Variants in PTPRD observed in about 807,000 individuals in gnomAD.
The protein encoded by PTPRD is protein tyrosine phosphatase receptor type D, also known as receptor-type tyrosine-protein phosphatase delta.
Under a neutral mutation model 214.5 loss-of-function variants are expected in PTPRD, and 34 were observed. The ratio of observed to expected loss-of-function variants is 0.16; its 90% CI spans 0.12 to 0.21. PTPRD has a LOEUF of 0.21. Ranked by LOEUF, PTPRD falls within the 10% of genes least tolerant of loss-of-function variation. The pLI is 1.00. For synonymous variants in PTPRD, 1,128 were observed against 845.7 expected (o/e 1.33, Z -5.79); for missense variants, 2,545 against 2,398.7 (o/e 1.06, Z -1.27).
intron 8 of PTPRD, among the ~76,000 whole-genome samples, chr9:9,451,452 A>G (rs1431053833): frequency 1.3e-5 from 2 of 151,778 alleles, no homozygotes; most frequent in African/African-American, 2.4e-5. Flanking sequence ...TTGAGCATAA[A>G]AGCACCATGA....
intron 2 of PTPRD, among the ~76,000 whole-genome samples, chr9:10,370,746 T>A (rs1306844130): frequency 6.6e-6 from 1 of 152,008 alleles, no homozygotes; most frequent in African/African-American, 2.4e-5. Context: ...CCTACATGCA[T>A]CCCTTTTTAA....
At position 8,331,580 on chromosome 9, in the gene PTPRD, A is replaced by ACCATT. The variant is rs1412474236; in HGVS notation, c.5534+1_5534+2insAATGG. 6.2e-7 allele frequency: 1 copy of ACCATT among 1,613,974 alleles called. No homozygotes were observed. Among genetic ancestry groups the ACCATT allele is most frequent in the Non-Finnish European group, 8.5e-7 (1 of 1,179,922 alleles). ...CTGCTTTATTCACAAATGGAAACTT[A>ACCATT]CCTGCAATGGACTGAAATGGGTCCA... On this transcript the variant is annotated splice_donor_variant, in intron 44 of 45. Coordinates refer to ENST00000381196, the MANE Select transcript of PTPRD (RefSeq NM_002839.4). LOFTEE classifies it high-confidence loss of function.
At chr9:9,462,807 G>T (rs2093780117) in intron 8 of PTPRD, among the ~76,000 whole-genome samples, 1 of 152,058 alleles carries the variant, frequency 6.6e-6, no homozygotes. Flanking sequence ...TGGAAATTTT[G>T]GTGGGATCTA....
chr9:9,386,019 G>T (rs2063761295), intron 9 of PTPRD, among the ~76,000 whole-genome samples: 1 of 151,990 alleles, frequency 6.6e-6, no homozygotes, highest in Non-Finnish European at 1.5e-5. Context: ...GCCCAGTATG[G>T]CCTGCATCTT....
intron 4 of PTPRD, among the ~76,000 whole-genome samples, chr9:9,967,636 T>C (rs1016505861): frequency 2.0e-5 from 3 of 152,176 alleles, no homozygotes; most frequent in Non-Finnish European, 2.9e-5. Flanking sequence ...CCTGAAGTCA[T>C]AGAGAATTAA....
intron 11 of PTPRD, among the ~76,000 whole-genome samples, chr9:8,814,695 T>C (rs1228033133): frequency 2.0e-5 from 3 of 152,182 alleles, no homozygotes; most frequent in Non-Finnish European, 2.9e-5. Flanking sequence ...ATGATCCAAG[T>C]ATAACCAAGG....
intron 8 of PTPRD, among the ~76,000 whole-genome samples, chr9:9,460,376 A>G (rs543381972): frequency 1.4e-4 from 22 of 152,236 alleles, no homozygotes; most frequent in East Asian, 9.7e-4. Context: ...AAGAGAAACA[A>G]TCAACAGAGT....
intron 5 of PTPRD, among the ~76,000 whole-genome samples, chr9:9,935,827 ATAC>A: frequency 6.7e-6 from 1 of 149,662 alleles, no homozygotes; most frequent in South Asian, 2.1e-4. Context: ...ACTTCAAACT[ATAC>A]TACAAGGCTA....
chr9:10,224,888 C>T (rs1334269305), intron 3 of PTPRD, among the ~76,000 whole-genome samples: 1 of 152,032 alleles, frequency 6.6e-6, no homozygotes. Context: ...ATTTTCTTTT[C>T]TCTGGTGTAA....
intron 7 of PTPRD, among the ~76,000 whole-genome samples, chr9:9,713,227 C>T (rs2097766689): frequency 6.6e-6 from 1 of 152,112 alleles, no homozygotes; most frequent in African/African-American, 2.4e-5. Flanking sequence ...TCTATGTCTG[C>T]CTAAGAATAA....
At chr9:10,168,882 A>C (rs1027503268) in intron 3 of PTPRD, among the ~76,000 whole-genome samples, 8 of 152,230 alleles carry the variant, frequency 5.3e-5, no homozygotes, top group African/African-American at 1.7e-4. Flanking sequence ...TGTTTACTTT[A>C]TCTAGAAGTA....
chr9:9,548,673 TA>T (rs150886333), intron 8 of PTPRD, among the ~76,000 whole-genome samples: 2,499 of 152,096 alleles, frequency 0.016, 39 homozygotes, highest in Admixed American at 0.026. Flanking sequence ...AAAAGTATGA[TA>T]AAAAACGATG....
At chr9:9,912,421 A>G (rs933562839) in intron 5 of PTPRD, among the ~76,000 whole-genome samples, 1 of 152,100 alleles carries the variant, frequency 6.6e-6, no homozygotes, top group South Asian at 2.1e-4. Context: ...AAATTCCACT[A>G]TTTCTCTGGG....
chr9:8,695,094 T>C (rs143077750), intron 12 of PTPRD, among the ~76,000 whole-genome samples: 23 of 152,288 alleles, frequency 1.5e-4, no homozygotes, highest in African/African-American at 5.5e-4. Flanking sequence ...GCCTTTCTCA[T>C]TGTGCTGGTT....
At chr9:8,892,373 C>G (rs1475511690) in intron 11 of PTPRD, among the ~76,000 whole-genome samples, 1 of 152,012 alleles carries the variant, frequency 6.6e-6, no homozygotes, top group African/African-American at 2.4e-5. Context: ...GGAAGGGACT[C>G]CACAGAAATC....
chr9:8,428,052 C>T (rs7856760), intron 35 of PTPRD, among the ~76,000 whole-genome samples: 76,390 of 151,882 alleles, frequency 0.5, 19,641 homozygotes, highest in East Asian at 0.74. Flanking sequence ...GATGAACAAA[C>T]TAAAATACAG....
chr9:9,549,855 C>T (rs1355240772), intron 8 of PTPRD, among the ~76,000 whole-genome samples: 1 of 151,972 alleles, frequency 6.6e-6, no homozygotes, highest in Admixed American at 6.6e-5. Flanking sequence ...ACAAAACACA[C>T]AGAATATCTT....
At chr9:10,434,486 C>G in intron 2 of PTPRD, among the ~76,000 whole-genome samples, 1 of 151,818 alleles carries the variant, frequency 6.6e-6, no homozygotes. Context: ...TTTATTCTAG[C>G]AACCTAAATA....
chr9:9,903,966 T>A (rs554093179), intron 5 of PTPRD, among the ~76,000 whole-genome samples: 90 of 152,234 alleles, frequency 5.9e-4, no homozygotes, highest in Middle Eastern at 6.8e-3. Flanking sequence ...AACATTAACC[T>A]CTATCTTGGG....
Sources: gnomAD v4.1 joint callset for allele counts (sites outside exome capture counted in the v4.1 genomes callset) on GRCh38, gnomAD v4.1.1 for gene constraint, MANE v1.5 for transcripts, NCBI Gene and HGNC (gene_info 2026-07-23, HGNC 2026-07-21) for gene names.